Variants in CTNNA2 observed in about 807,000 individuals in gnomAD.
CTNNA2 encodes catenin alpha-2.
Under a neutral mutation model 101.0 loss-of-function variants are expected in CTNNA2, and 42 were observed. That is an observed-to-expected ratio of 0.42 (90% CI 0.32 to 0.54). The LOEUF (loss-of-function observed/expected upper bound fraction) is 0.54. Among genes scored for constraint, CTNNA2 ranks in the 20% least tolerant of loss-of-function variants. The pLI, the probability that CTNNA2 is intolerant of heterozygous loss-of-function variation, is 0.14. For synonymous variants in CTNNA2, 450 were observed against 456.4 expected, an observed-to-expected ratio of 0.99 and a Z score of 0.18; for missense variants, 871 against 1,223.1, an observed-to-expected ratio of 0.71 and a Z score of 4.29.
Position 80,264,963 on chromosome 2 carries a change from G to C in CTNNA2, c.1057-128248G>C, listed in dbSNP as rs1672891486. ...TTATCAATGAGAAAGGATAGGGAAG[G>C]ATAGGGAAGAGGTGTTTTTTTTTTT... is the stretch of plus-strand genomic sequence containing the variant. On this transcript the variant is annotated intron_variant, in intron 7 of 18. Coordinates refer to ENST00000402739, the MANE Select transcript of CTNNA2 (RefSeq NM_001282597.3). Among the ~76,000 whole-genome samples, 3 of 135,270 alleles carry C rather than the reference G, an allele frequency of 2.2e-5. No individual in the cohort carries two copies. In the Admixed American group the frequency reaches 2.5e-4, roughly 11 times the overall value. 88.7% of individuals were successfully genotyped at this position (135,270 alleles called of 152,430 possible). A position where few individuals can be genotyped will look rare whatever the true frequency, so the allele number is the denominator to read the frequency against.
intron 7 of CTNNA2, among the ~76,000 whole-genome samples, chr2:80,223,699 ACTT>A (rs1173656489): frequency 6.6e-6 from 1 of 152,154 alleles, no homozygotes; most frequent in Non-Finnish European, 1.5e-5. Context: ...AGTGACCACC[ACTT>A]AGGATATATC....
chr2:79,286,771 C>A (rs1477331770), intron 2 of CTNNA2, among the ~76,000 whole-genome samples: 1 of 151,890 alleles, frequency 6.6e-6, no homozygotes, highest in Non-Finnish European at 1.5e-5. Flanking sequence ...TTGTGGCGTT[C>A]TCTGTATTTC....
At chr2:79,948,755 C>G (rs7568815) in intron 7 of CTNNA2, among the ~76,000 whole-genome samples, 14 of 152,064 alleles carry the variant, frequency 9.2e-5, no homozygotes, top group African/African-American at 3.4e-4. Flanking sequence ...GATCACGAGG[C>G]CAGGAGATGG....
chr2:80,392,691 T>A (rs559242816), intron 7 of CTNNA2, among the ~76,000 whole-genome samples: 1 of 152,216 alleles, frequency 6.6e-6, no homozygotes, highest in Non-Finnish European at 1.5e-5. Context: ...GAGCAGAGAT[T>A]AGCAATACTG....
intron 7 of CTNNA2, among the ~76,000 whole-genome samples, chr2:80,377,289 T>A (rs80227929): frequency 1.3e-5 from 2 of 152,238 alleles, no homozygotes. Context: ...TTCTTGGCAC[T>A]GTGCCTTTCC....
At chr2:80,010,305 A>G (rs1005460589) in intron 7 of CTNNA2, among the ~76,000 whole-genome samples, 17 of 152,206 alleles carry the variant, frequency 1.1e-4, no homozygotes, top group African/African-American at 3.9e-4. Flanking sequence ...CTGTAGGCCA[A>G]TTGTGTTAAG....
chr2:79,786,021 T>A (rs1356849669), intron 3 of CTNNA2, among the ~76,000 whole-genome samples: 1 of 152,186 alleles, frequency 6.6e-6, no homozygotes. Flanking sequence ...GATCCCAATC[T>A]CCTGTTAAGG....
At chr2:79,415,033 C>T (rs1455004408) in intron 4 of CTNNA2, among the ~76,000 whole-genome samples, 1 of 152,120 alleles carries the variant, frequency 6.6e-6, no homozygotes, top group Admixed American at 6.6e-5. Context: ...TACTTTCAAC[C>T]ATCACTCCCT....
At chr2:80,486,739 C>T (rs1356180457) in intron 9 of CTNNA2, among the ~76,000 whole-genome samples, 1 of 152,112 alleles carries the variant, frequency 6.6e-6, no homozygotes, top group African/African-American at 2.4e-5. Flanking sequence ...CCTATTTACC[C>T]TTTGTCCAAC....
At chr2:79,393,879 G>A (rs538797998) in intron 4 of CTNNA2, among the ~76,000 whole-genome samples, 121 of 152,192 alleles carry the variant, frequency 8.0e-4, no homozygotes, top group African/African-American at 2.8e-3. Context: ...ACCCTGCAGG[G>A]CTGCCTAGAC....
At chr2:80,147,202 G>T (rs1175752438) in intron 7 of CTNNA2, among the ~76,000 whole-genome samples, 1 of 152,038 alleles carries the variant, frequency 6.6e-6, no homozygotes, top group Non-Finnish European at 1.5e-5. Flanking sequence ...CTGACTTCAG[G>T]TGATCCACCG....
At chr2:79,823,096 C>T (rs78559955) in intron 3 of CTNNA2, among the ~76,000 whole-genome samples, 5,745 of 152,276 alleles carry the variant, frequency 0.038, 354 homozygotes, top group African/African-American at 0.13. Flanking sequence ...ATGCTCCCAT[C>T]ATAGCATCAT....
intron 7 of CTNNA2, among the ~76,000 whole-genome samples, chr2:80,242,101 C>A (rs1312861013): frequency 6.6e-6 from 1 of 152,166 alleles, no homozygotes; most frequent in Admixed American, 6.5e-5. Context: ...TCATTAGATT[C>A]TCTGAATTCC....
chr2:80,453,663 T>C (rs761158120), intron 9 of CTNNA2, among the ~76,000 whole-genome samples: 8 of 152,156 alleles, frequency 5.3e-5, no homozygotes, highest in Non-Finnish European at 1.2e-4. Context: ...AGAACATATA[T>C]CTGTTTGCGG....
upstream of CTNNA2, among the ~76,000 whole-genome samples, chr2:79,511,715 G>A (rs554358067): frequency 9.9e-5 from 15 of 152,270 alleles, no homozygotes; most frequent in African/African-American, 3.6e-4. Context: ...ATTCCCTAGA[G>A]AGAATTAAAA....
chr2:79,674,270 C>T (rs1256223392), intron 2 of CTNNA2, among the ~76,000 whole-genome samples: 3 of 152,152 alleles, frequency 2.0e-5, no homozygotes, highest in Non-Finnish European at 4.4e-5. Flanking sequence ...AGATATTGAG[C>T]TGGGCCTTGA....
intron 7 of CTNNA2, among the ~76,000 whole-genome samples, chr2:80,291,554 AG>A (rs745693226): frequency 6.6e-6 from 1 of 152,252 alleles, no homozygotes; most frequent in Non-Finnish European, 1.5e-5. Flanking sequence ...ACAAAGAAAA[AG>A]CTTCTTTAAA....
At chr2:80,071,150 G>C (rs1028714362) in intron 7 of CTNNA2, among the ~76,000 whole-genome samples, 1 of 152,132 alleles carries the variant, frequency 6.6e-6, no homozygotes. Flanking sequence ...CAAAGCCTAA[G>C]CCTTGCTCTA....
chr2:80,110,558 T>G (rs1422357619), intron 7 of CTNNA2, among the ~76,000 whole-genome samples: 1 of 152,204 alleles, frequency 6.6e-6, no homozygotes, highest in Non-Finnish European at 1.5e-5. Context: ...AGAGAGCAGT[T>G]CATGGGTCAT....
Sources: allele counts gnomAD v4.1 joint callset (sites outside exome capture counted in the v4.1 genomes callset), GRCh38; gene constraint gnomAD v4.1.1; transcripts MANE v1.5; gene names NCBI Gene and HGNC (gene_info 2026-07-23, HGNC 2026-07-21).